SLC35F4: variants seen among roughly 807,000 people sequenced by gnomAD.
SLC35F4 encodes the protein chromosome 14 open reading frame 36.
A neutral mutation model predicts 44.2 loss-of-function variants in SLC35F4; 24 were observed. The observed-to-expected ratio is 0.54, with a 90% CI of 0.39 to 0.76. The LOEUF (loss-of-function observed/expected upper bound fraction) is 0.76, where lower values mean the gene tolerates loss of function less well. Among genes scored for constraint, SLC35F4 ranks in the 30% least tolerant of loss-of-function variants. The pLI, the probability that SLC35F4 is intolerant of heterozygous loss-of-function variation, is 0.00. For synonymous variants in SLC35F4, 238 were observed against 223.6 expected (o/e 1.06, Z -0.57); for missense variants, 562 against 586.1 (o/e 0.96, Z 0.42).
chr14:57,793,496 T>C (rs2077979382), intron 1 of SLC35F4, among the ~76,000 whole-genome samples: 1 of 152,152 alleles, frequency 6.6e-6, no homozygotes, highest in Non-Finnish European at 1.5e-5. Flanking sequence ...ACATTTGGTA[T>C]TTGGTTTTCT....
rs184940607 is a variant in SLC35F4, at chr14:57,604,966, T to C, written c.104-10842A>G. On this transcript the variant is annotated intron_variant, in intron 1 of 7. Transcript: ENST00000556826. ...TATACAAAAATTAACTCAAGATGGATCAAACAGTTAAATATAAGACTTCAA... is the reference window on the plus strand; with the variant it reads ...TATACAAAAATTAACTCAAGATGGACCAAACAGTTAAATATAAGACTTCAA... Among the ~76,000 whole-genome samples the C allele has an allele frequency of 1.4e-3, 209 of 152,228 alleles. 1 individual carries two copies. Among genetic ancestry groups the C allele is most frequent in the African/African-American group, 4.8e-3 (198 of 41,540 alleles).
At chr14:57,771,665 C>G (rs1392621934) in intron 1 of SLC35F4, among the ~76,000 whole-genome samples, 1 of 152,214 alleles carries the variant, frequency 6.6e-6, no homozygotes, top group East Asian at 1.9e-4. Flanking sequence ...GTGATCACAG[C>G]TCACTGCAAT....
At chr14:57,699,283 C>T (rs12432288) in intron 1 of SLC35F4, among the ~76,000 whole-genome samples, 71,727 of 151,964 alleles carry the variant, frequency 0.47, 17,626 homozygotes, top group African/African-American at 0.63. Context: ...ATATCTTTCA[C>T]GTTATAGTAC....
chr14:57,919,596 G>A (rs1010419117), intron 1 of SLC35F4, among the ~76,000 whole-genome samples: 1 of 152,114 alleles, frequency 6.6e-6, no homozygotes, highest in Non-Finnish European at 1.5e-5. Flanking sequence ...ATATTCCAGG[G>A]GTGGACCAGT....
chr14:57,944,754 G>GAAC (rs1889990025), intron 1 of SLC35F4, among the ~76,000 whole-genome samples: 1 of 127,034 alleles, frequency 7.9e-6, no homozygotes, highest in Non-Finnish European at 1.8e-5. Context: ...AAAGAAAGAA[G>GAAC]AAAGGAAGAA....
chr14:57,613,510 C>A (rs546274475), intron 1 of SLC35F4, among the ~76,000 whole-genome samples: 1 of 152,276 alleles, frequency 6.6e-6, no homozygotes, highest in South Asian at 2.1e-4. Context: ...GTTGTTCCAA[C>A]GATAGGCTTT....
Position 57,590,288 on chromosome 14 carries a change from G to A in SLC35F4, c.290-775C>T, listed in dbSNP as rs554699508. ...TATACCTTTAGTCCCAGCAACTCCA[G>A]AGGCTCAGGTGGGTGAATCCCTTGA... is the stretch of plus-strand genomic sequence containing the variant. On this transcript the variant is annotated intron_variant, in intron 2 of 7. Coordinates refer to ENST00000556826, the MANE Select transcript of SLC35F4 (RefSeq NM_001306087.2). Among the ~76,000 whole-genome samples the A allele has an allele frequency of 2.0e-5, 3 of 151,228 alleles. No individual in the cohort carries two copies. The South Asian group carries it at 6.3e-4, about 32-fold the overall frequency.
intron 1 of SLC35F4, among the ~76,000 whole-genome samples, chr14:57,791,046 G>C (rs1265198714): frequency 6.6e-6 from 1 of 152,136 alleles, no homozygotes; most frequent in African/African-American, 2.4e-5. Context: ...AGAAAAGCTA[G>C]GCAATACCAT....
chr14:57,826,221 C>T (rs912866127), intron 1 of SLC35F4, among the ~76,000 whole-genome samples: 2 of 152,100 alleles, frequency 1.3e-5, no homozygotes, highest in African/African-American at 4.8e-5. Flanking sequence ...ACACCTACAA[C>T]CATCTGATCT....
chr14:57,656,376 TACAC>T (rs3054456), intron 1 of SLC35F4, among the ~76,000 whole-genome samples: 472 of 74,028 alleles, frequency 6.4e-3, no homozygotes, highest in Middle Eastern at 6.1e-3. Context: ...TATATATATA[TACAC>T]ACACACACAC....
At chr14:57,615,660 G>C (rs974523109) in intron 1 of SLC35F4, among the ~76,000 whole-genome samples, 1 of 151,510 alleles carries the variant, frequency 6.6e-6, no homozygotes, top group African/African-American at 2.4e-5. Flanking sequence ...GTCAACTACT[G>C]CTTTAAGGAG....
intron 1 of SLC35F4, among the ~76,000 whole-genome samples, chr14:57,686,959 GT>G (rs201360357): frequency 0.23 from 34,700 of 151,972 alleles, 3,945 homozygotes; most frequent in South Asian, 0.31. Context: ...GAATAATTAG[GT>G]GAAAATGAGA....
At chr14:57,690,486 T>C (rs1313091983) in intron 1 of SLC35F4, among the ~76,000 whole-genome samples, 1 of 152,074 alleles carries the variant, frequency 6.6e-6, no homozygotes, top group African/African-American at 2.4e-5. Flanking sequence ...CCCAATCTTT[T>C]TGGCACCAAG....
intron 1 of SLC35F4, among the ~76,000 whole-genome samples, chr14:57,881,668 A>C (rs1303013241): frequency 1.3e-5 from 2 of 152,162 alleles, no homozygotes; most frequent in Non-Finnish European, 2.9e-5. Flanking sequence ...TTATTGCAGT[A>C]ATAGGGTTGC....
chr14:57,761,663 T>A (rs966908042), intron 1 of SLC35F4, among the ~76,000 whole-genome samples: 1 of 152,096 alleles, frequency 6.6e-6, no homozygotes, highest in Non-Finnish European at 1.5e-5. Flanking sequence ...AAGCAGATTT[T>A]AAAAAAATAG....
At chr14:57,761,032 G>C (rs185596043) in intron 1 of SLC35F4, among the ~76,000 whole-genome samples, 2 of 151,974 alleles carry the variant, frequency 1.3e-5, no homozygotes, top group African/African-American at 2.4e-5. Context: ...TCACCTCAGG[G>C]AATCAGACTC....
intron 1 of SLC35F4, among the ~76,000 whole-genome samples, chr14:57,835,804 G>C (rs968860433): frequency 3.3e-5 from 5 of 152,180 alleles, no homozygotes; most frequent in Non-Finnish European, 2.9e-5. Flanking sequence ...AAACCTAAGT[G>C]TTACCCTTGG....
At chr14:57,974,446 T>A (rs143219938), downstream of SLC35F4, among the ~76,000 whole-genome samples, 178 of 152,340 alleles carry the variant, frequency 1.2e-3, no homozygotes, top group Non-Finnish European at 2.1e-3. Context: ...AGACTCCATC[T>A]CTCAATAGGA....
chr14:57,681,590 T>C (rs980242470), intron 1 of SLC35F4, among the ~76,000 whole-genome samples: 2 of 152,074 alleles, frequency 1.3e-5, no homozygotes, highest in Non-Finnish European at 2.9e-5. Flanking sequence ...GACACTGGCA[T>C]GGGCAAAGAC....
Sources: allele counts gnomAD v4.1 joint callset (sites outside exome capture counted in the v4.1 genomes callset), GRCh38; gene constraint gnomAD v4.1.1; transcripts MANE v1.5; gene names NCBI Gene and HGNC (gene_info 2026-07-23, HGNC 2026-07-21).